Variants in RYR3 observed in about 807,000 individuals in gnomAD.
RYR3 encodes ryanodine receptor 3.
A neutral mutation model predicts 584.3 loss-of-function variants in RYR3; 207 were observed. The ratio of observed to expected loss-of-function variants is 0.35; its 90% CI spans 0.32 to 0.40. The LOEUF is 0.40. RYR3 is among the 10% of genes least tolerant of loss of function. The probability of loss-of-function intolerance (pLI) is 1.00; values close to 1 mark genes in which losing one functional copy is unlikely to be tolerated. For missense variants in RYR3, 5,616 were observed against 6,089.2 expected, an observed-to-expected ratio of 0.92 and a Z score of 2.59; for synonymous variants, 2,416 against 2,248.5, an observed-to-expected ratio of 1.07 and a Z score of -2.11.
At chr15:33,572,638 T>A (rs1384468378) in intron 12 of RYR3, among the ~76,000 whole-genome samples, 1 of 101,596 alleles carries the variant, frequency 9.8e-6, no homozygotes, top group Non-Finnish European at 1.9e-5. Flanking sequence ...CTCATTAAAT[T>A]AAAAAAAAAA....
chr15:33,549,341 CA>C (rs2056497571), intron 9 of RYR3, among the ~76,000 whole-genome samples: 1 of 152,164 alleles, frequency 6.6e-6, no homozygotes, highest in African/African-American at 2.4e-5. Context: ...AGCCTTTTAT[CA>C]ATGCGATTTG....
At chr15:33,339,618 G>A (rs1216029646) in intron 1 of RYR3, among the ~76,000 whole-genome samples, 1 of 152,104 alleles carries the variant, frequency 6.6e-6, no homozygotes, top group South Asian at 2.1e-4. Flanking sequence ...GGCCGGGCGC[G>A]GTGGCTCACG....
chr15:33,417,174 GC>G (rs1205512411), intron 1 of RYR3, among the ~76,000 whole-genome samples: 3 of 151,792 alleles, frequency 2.0e-5, no homozygotes, highest in Non-Finnish European at 4.4e-5. Context: ...GCTATTTGGG[GC>G]TTTTTTGGTT....
chr15:33,580,377 C>G (rs2058528555), intron 13 of RYR3, among the ~76,000 whole-genome samples: 1 of 152,184 alleles, frequency 6.6e-6, no homozygotes, highest in African/African-American at 2.4e-5. Context: ...TTCAGTGCCA[C>G]ATGTGTATCA....
rs749538194 is a variant in RYR3, at chr15:33,739,915, C to G, written c.7740C>G (p.Thr2580=). The change falls in exon 51 of 104, where the codon ACC becomes ACG. Residue 2580 remains threonine, a synonymous_variant. Coordinates refer to ENST00000634891, the MANE Select transcript of RYR3 (RefSeq NM_001036.6). ...AGALPPDYLD[T]RITATLEKQI... ...CCTTGCCACCAGATTATTTAGATAC[C>G]AGAATCACAGCCACGTTGGAGAAAC... The G allele has an allele frequency of 1.1e-5, 17 of 1,613,700 alleles. No homozygotes were observed. Among genetic ancestry groups the G allele is most frequent in the Non-Finnish European group, 1.4e-5 (16 of 1,179,786 alleles).
At chr15:33,709,577 A>G (rs2066949101) in intron 43 of RYR3, among the ~76,000 whole-genome samples, 1 of 152,220 alleles carries the variant, frequency 6.6e-6, no homozygotes, top group Non-Finnish European at 1.5e-5. Context: ...AATGCCCATT[A>G]TAAAATGGCT....
chr15:33,548,971 C>T (rs746257377), intron 9 of RYR3, among the ~76,000 whole-genome samples: 60 of 152,252 alleles, frequency 3.9e-4, no homozygotes, highest in Middle Eastern at 3.4e-3. Context: ...GTCTCTCTCA[C>T]GCAGGGTATA....
At chr15:33,463,526 T>C (rs533342327) in intron 1 of RYR3, among the ~76,000 whole-genome samples, 2 of 152,126 alleles carry the variant, frequency 1.3e-5, no homozygotes, top group African/African-American at 2.4e-5. Context: ...AATAGAAAAC[T>C]TAAACAAATT....
At chr15:33,394,324 T>G (rs1304617463) in intron 1 of RYR3, among the ~76,000 whole-genome samples, 1 of 152,152 alleles carries the variant, frequency 6.6e-6, no homozygotes, top group Non-Finnish European at 1.5e-5. Flanking sequence ...TCAACATTGT[T>G]TAAAATATTT....
intron 59 of RYR3, among the ~76,000 whole-genome samples, chr15:33,756,714 A>G (rs2071873487): frequency 1.3e-5 from 2 of 152,034 alleles, no homozygotes; most frequent in African/African-American, 4.8e-5. Context: ...TTGCTTTTTA[A>G]AAGTTCTATC....
chr15:33,709,538 A>G (rs995590454), intron 43 of RYR3, among the ~76,000 whole-genome samples: 4 of 152,228 alleles, frequency 2.6e-5, no homozygotes, highest in African/African-American at 9.6e-5. Context: ...GTGTTAGGTC[A>G]TGAGGACCCA....
intron 85 of RYR3, among the ~76,000 whole-genome samples, chr15:33,827,796 C>CT (rs2077457408): frequency 6.6e-6 from 1 of 152,214 alleles, no homozygotes; most frequent in Non-Finnish European, 1.5e-5. Flanking sequence ...GGTTCTGCCA[C>CT]TTACTGGTTT....
At chr15:33,435,934 C>A (rs546582541) in intron 1 of RYR3, among the ~76,000 whole-genome samples, 1 of 152,296 alleles carries the variant, frequency 6.6e-6, no homozygotes, top group East Asian at 1.9e-4. Flanking sequence ...CTGCCCATGT[C>A]CTGCTGATTG....
At chr15:33,582,207 A>G (rs998847326) in intron 14 of RYR3, among the ~76,000 whole-genome samples, 1 of 152,116 alleles carries the variant, frequency 6.6e-6, no homozygotes, top group Non-Finnish European at 1.5e-5. Context: ...GGCCTAGGCC[A>G]CCCGCCTATG....
intron 5 of RYR3, among the ~76,000 whole-genome samples, chr15:33,538,244 G>A (rs2055504210): frequency 6.6e-6 from 1 of 152,158 alleles, no homozygotes; most frequent in Admixed American, 6.5e-5. Context: ...CATCAAGGCA[G>A]TAAAAGCTGA....
At chr15:33,379,447 T>C (rs2040994101) in intron 1 of RYR3, among the ~76,000 whole-genome samples, 1 of 152,134 alleles carries the variant, frequency 6.6e-6, no homozygotes, top group African/African-American at 2.4e-5. Context: ...TTTTTGTCAT[T>C]GTTCTGTTTG....
chr15:33,536,735 A>C (rs1433426972), intron 5 of RYR3, among the ~76,000 whole-genome samples: 1 of 152,238 alleles, frequency 6.6e-6, no homozygotes, highest in Non-Finnish European at 1.5e-5. Flanking sequence ...AGTAGTACTC[A>C]CACATAGATT....
intron 1 of RYR3, among the ~76,000 whole-genome samples, chr15:33,318,601 A>G (rs1442689457): frequency 1.3e-5 from 2 of 152,172 alleles, no homozygotes; most frequent in Admixed American, 6.5e-5. Flanking sequence ...GGAAATATAC[A>G]TCAAAGCACA....
chr15:33,724,957 C>T (rs1458594613), intron 45 of RYR3, among the ~76,000 whole-genome samples: 2 of 152,048 alleles, frequency 1.3e-5, no homozygotes, highest in African/African-American at 4.8e-5. Flanking sequence ...AGGTGTTCTA[C>T]AGTCTTGGCG....
Sources: allele counts gnomAD v4.1 joint callset (sites outside exome capture counted in the v4.1 genomes callset), GRCh38; gene constraint gnomAD v4.1.1; transcripts MANE v1.5; gene names NCBI Gene and HGNC (gene_info 2026-07-23, HGNC 2026-07-21).